KIF2A: variants seen among roughly 807,000 people sequenced by gnomAD.
KIF2A encodes the protein kinesin-like protein KIF2A.
A neutral mutation model predicts 100.2 loss-of-function variants in KIF2A; 22 were observed. The observed-to-expected ratio is 0.22, with a 90% CI of 0.16 to 0.31. The LOEUF (loss-of-function observed/expected upper bound fraction) is 0.31, where lower values mean the gene tolerates loss of function less well. KIF2A is among the 10% of genes least tolerant of loss of function. The probability of loss-of-function intolerance (pLI) is 1.00; values close to 1 mark genes in which losing one functional copy is unlikely to be tolerated. For missense variants in KIF2A, 495 were observed against 898.7 expected, an observed-to-expected ratio of 0.55 and a Z score of 5.74; for synonymous variants, 268 against 285.9, an observed-to-expected ratio of 0.94 and a Z score of 0.63.
intron 1 of KIF2A, among the ~76,000 whole-genome samples, chr5:62,324,940 A>C (rs796753850): frequency 2.0e-5 from 3 of 152,370 alleles, no homozygotes; most frequent in African/African-American, 7.2e-5. Flanking sequence ...AAATATTCAC[A>C]AACTATGCAT....
At chr5:62,363,606 T>C in intron 13 of KIF2A, 89 bp from the exon 14 acceptor site, 1 of 1,158,886 alleles carries the variant, frequency 8.6e-7, no homozygotes, top group Non-Finnish European at 1.2e-6. Flanking sequence ...TCGATGTTTT[T>C]GCTGCTGTTG....
rs562666034 is a variant in KIF2A, at chr5:62,384,940, C to T, written c.2150-544C>T. Among the ~76,000 whole-genome samples the T allele has an allele frequency of 3.9e-5, 6 of 152,208 alleles. No homozygotes were observed. The South Asian group carries it at 1.2e-3, about 32-fold the overall frequency. ...GGCAGATCACCTGAGGTTGGGAGTT[C>T]GAGACCAGCATGGCCAACATGGTAA... is the stretch of plus-strand genomic sequence containing the variant. On this transcript the variant is annotated intron_variant, in intron 20 of 20. Transcript: ENST00000407818.
chr5:62,353,299 A>T lies in KIF2A; in HGVS notation c.482A>T (p.Lys161Ile). 3 of 1,578,876 alleles carry T rather than the reference A, an allele frequency of 1.9e-6. No homozygotes were observed. The highest frequency in any genetic ancestry group is 2.6e-6 in the Non-Finnish European group (3 of 1,166,144). Residue 161 changes from lysine (K) to isoleucine (I), a missense_variant, in exon 6 of 21, where the codon AAA (lysine) becomes ATA (isoleucine). Around this residue, in one of 10 missense-constraint regions of KIF2A, gnomAD observed 109 missense variants for 244.2 expected, o/e 0.45. Transcript: ENST00000407818. ...GCACGTAGAAAATCTAATTGTGTGA[A>T]AGAAGTAGAAAAACTGCAAGAAAAA... ...PPSRRKSNCV[K>I]EVEKLQEKRE...
At chr5:62,352,152 C>CAAAA (rs35310169) in intron 4 of KIF2A, among the ~76,000 whole-genome samples, 15 of 118,960 alleles carry the variant, frequency 1.3e-4, no homozygotes, top group African/African-American at 4.2e-4. Flanking sequence ...GACTTCATCT[C>CAAAA]AAAAAAAAAA....
intron 1 of KIF2A, among the ~76,000 whole-genome samples, chr5:62,335,044 G>A (rs1302647385): frequency 3.9e-5 from 6 of 152,204 alleles, no homozygotes; most frequent in Admixed American, 3.9e-4. Flanking sequence ...ATTTTTAGAA[G>A]GTGAGGGACC....
At chr5:62,363,381 A>G in intron 13 of KIF2A, 61 bp downstream of exon 13, 1 of 1,456,732 alleles carries the variant, frequency 6.9e-7, no homozygotes, top group Non-Finnish European at 9.3e-7. Flanking sequence ...GTACAGTATA[A>G]CAAAATGAGG....
intron 1 of KIF2A, 97 bp downstream of exon 1, chr5:62,306,633 C>A: frequency 9.8e-7 from 1 of 1,015,782 alleles, no homozygotes; most frequent in South Asian, 1.5e-5. Context: ...ATTGCTTCGC[C>A]GGGCTGTGGG....
chr5:62,342,838 C>A (rs1467446926), intron 1 of KIF2A, among the ~76,000 whole-genome samples: 2 of 151,858 alleles, frequency 1.3e-5, no homozygotes, highest in Non-Finnish European at 2.9e-5. Flanking sequence ...CTGCAACCTC[C>A]ACCTCCTGGG....
intron 4 of KIF2A, among the ~76,000 whole-genome samples, chr5:62,351,698 T>G (rs1220641298): frequency 1.3e-5 from 2 of 152,162 alleles, no homozygotes; most frequent in Non-Finnish European, 2.9e-5. Flanking sequence ...TTATATTCTT[T>G]TTTCCACTTG....
chr5:62,352,668 A>G lies in KIF2A; in HGVS notation c.415A>G (p.Ile139Val). 6.2e-7 allele frequency: 1 copy of G among 1,611,348 alleles called. No individual in the cohort carries two copies. The highest frequency in any genetic ancestry group is 8.5e-7 in the Non-Finnish European group (1 of 1,178,406). Residue 139 changes from isoleucine to valine, a missense_variant, in exon 5 of 21, where the codon ATA (isoleucine) becomes GTA (valine). Coordinates refer to ENST00000407818, the MANE Select transcript of KIF2A (RefSeq NM_001098511.3). Reference sequence around the variant, plus strand: ...ACAACAGAATGGTAGTGTTTCAGATATATCTCCAGTTCAAGCTGCAAAAAA... The same window carrying G: ...ACAACAGAATGGTAGTGTTTCAGATGTATCTCCAGTTCAAGCTGCAAAAAA... ...SAQQNGSVSDISPVQAAKKEF... is the reference protein window; with the variant it reads ...SAQQNGSVSDVSPVQAAKKEF...
Position 62,361,228 on chromosome 5 carries a change from A to AT in KIF2A, c.873-10dup, listed in dbSNP as rs1561273213. The AT allele has an allele frequency of 6.8e-7, 1 of 1,476,336 alleles. No individual in the cohort carries two copies. The highest frequency in any genetic ancestry group is 1.2e-5 in the South Asian group (1 of 83,944). 91.5% of individuals were successfully genotyped at this position (1,476,336 alleles called of 1,614,324 possible). A position where few individuals can be genotyped will look rare whatever the true frequency, so the allele number is the denominator to read the frequency against. On this transcript the variant is annotated splice_polypyrimidine_tract_variant and intron_variant, in intron 9 of 20. Coordinates refer to ENST00000407818, the MANE Select transcript of KIF2A (RefSeq NM_001098511.3). ...ATTGGTGACACATTCTGACTGATGC[A>AT]TTTTATTTTTAAGGTTTACTGCTAG...
At chr5:62,336,695 A>T (rs1746970643) in intron 1 of KIF2A, among the ~76,000 whole-genome samples, 1 of 152,256 alleles carries the variant, frequency 6.6e-6, no homozygotes, top group Non-Finnish European at 1.5e-5. Flanking sequence ...TAGAATAAGG[A>T]TGGTGAATGA....
rs1419047885 is a variant in KIF2A, at chr5:62,375,648, C to CT, written c.1911+1811_1911+1812insT. 3.3e-5 allele frequency among the ~76,000 whole-genome samples: 5 copies of CT among 152,168 alleles called. No homozygotes were observed. The South Asian group carries it at 1.0e-3, about 32-fold the overall frequency. ...CTTAGCCCAAAATATTCTAGAGTAA[C>CT]AGATACACTTACTACTTTTTGTTAC... is the stretch of plus-strand genomic sequence containing the variant. On this transcript the variant is annotated intron_variant, in intron 18 of 20. Transcript: ENST00000407818.
chr5:62,371,664 A>T (rs1385738207), intron 16 of KIF2A, among the ~76,000 whole-genome samples: 1 of 152,222 alleles, frequency 6.6e-6, no homozygotes, highest in African/African-American at 2.4e-5. Context: ...GGACTAAATA[A>T]TATAATGCCT....
chr5:62,382,526 T>C (rs1344671509), intron 20 of KIF2A, among the ~76,000 whole-genome samples: 2 of 152,214 alleles, frequency 1.3e-5, no homozygotes, highest in East Asian at 1.9e-4. Flanking sequence ...GTATCCCTTA[T>C]GTGAAAAGCT....
chr5:62,339,893 C>T, intron 1 of KIF2A, among the ~76,000 whole-genome samples: 1 of 150,388 alleles, frequency 6.6e-6, no homozygotes, highest in East Asian at 1.9e-4. Context: ...TAAAGAAAAG[C>T]CAAAATATGA....
At chr5:62,322,642 C>G (rs563655318) in intron 1 of KIF2A, among the ~76,000 whole-genome samples, 1 of 152,174 alleles carries the variant, frequency 6.6e-6, no homozygotes, top group South Asian at 2.1e-4. Context: ...CTTGAAATAC[C>G]TTGCAACTCT....
At position 62,340,593 on chromosome 5, in the gene KIF2A, C is replaced by CA. The variant is rs398108990; in HGVS notation, c.65-6537_65-6536insA. Among the ~76,000 whole-genome samples, 4 of 151,950 alleles carry CA rather than the reference C, an allele frequency of 2.6e-5. No individual in the cohort carries two copies. The South Asian group carries it at 8.3e-4, about 32-fold the overall frequency. On this transcript the variant is annotated intron_variant, in intron 1 of 20. Transcript: ENST00000407818. ...ACTTGAGCATCTCATTGTTCTCCCC[C>CA]TAGTGGCATCATTCTCCCAGTCATC... is the stretch of plus-strand genomic sequence containing the variant.
chr5:62,317,098 G>A (rs1346548566), intron 1 of KIF2A, among the ~76,000 whole-genome samples: 1 of 151,632 alleles, frequency 6.6e-6, no homozygotes, highest in Non-Finnish European at 1.5e-5. Flanking sequence ...TGCCCAGCTG[G>A]AGTGCAGTGG....
Sources: gnomAD v4.1 joint callset for allele counts (sites outside exome capture counted in the v4.1 genomes callset) on GRCh38, gnomAD v4.1.1 for gene constraint, gnomAD v4.1.1 regional missense constraint, MANE v1.5 for transcripts, NCBI Gene and HGNC (gene_info 2026-07-23, HGNC 2026-07-21) for gene names.